The following KCNH7 variants were observed in gnomAD, a reference collection of about 807,000 sequenced individuals.
The protein encoded by KCNH7 is voltage-gated inwardly rectifying potassium channel KCNH7.
A neutral mutation model predicts 120.8 loss-of-function variants in KCNH7; 49 were observed. That is an observed-to-expected ratio of 0.41 (90% CI 0.32 to 0.51). The LOEUF is 0.51. KCNH7 is among the 20% of genes least tolerant of loss of function. The pLI, the probability that KCNH7 is intolerant of heterozygous loss-of-function variation, is 0.38. For synonymous variants in KCNH7, 547 were observed against 516.1 expected (o/e 1.06, Z -0.81); for missense variants, 1,097 against 1,446.6 (o/e 0.76, Z 3.92).
intron 2 of KCNH7, among the ~76,000 whole-genome samples, chr2:162,701,434 AT>A (rs1376874172): frequency 7.2e-5 from 11 of 152,134 alleles, no homozygotes; most frequent in Non-Finnish European, 1.5e-4. Flanking sequence ...ACTGTCAAAA[AT>A]TTATCTCAGT....
chr2:162,434,886 T>C (rs975841236), intron 8 of KCNH7, among the ~76,000 whole-genome samples: 3 of 152,056 alleles, frequency 2.0e-5, no homozygotes, highest in African/African-American at 7.2e-5. Flanking sequence ...CAGCTTGAAA[T>C]AGAAAATAAC....
At chr2:162,698,433 ATT>A (rs34577338) in intron 2 of KCNH7, among the ~76,000 whole-genome samples, 12,976 of 139,290 alleles carry the variant, frequency 0.093, 1,722 homozygotes, top group African/African-American at 0.29. Flanking sequence ...CGCCGTCTTT[ATT>A]TTTTTTTTTT....
At chr2:162,706,064 C>A (rs1011786354) in intron 2 of KCNH7, among the ~76,000 whole-genome samples, 2 of 152,100 alleles carry the variant, frequency 1.3e-5, no homozygotes, top group Non-Finnish European at 2.9e-5. Flanking sequence ...TTTCAAGTCA[C>A]AGCAGAGTGC....
At chr2:162,521,170 G>A (rs568516118) in intron 3 of KCNH7, among the ~76,000 whole-genome samples, 3 of 151,820 alleles carry the variant, frequency 2.0e-5, no homozygotes, top group Admixed American at 6.6e-5. Context: ...CTGGCCCATA[G>A]GCCTCAGAAG....
At chr2:162,505,664 C>A (rs188753013) in intron 5 of KCNH7, among the ~76,000 whole-genome samples, 11 of 151,944 alleles carry the variant, frequency 7.2e-5, no homozygotes, top group African/African-American at 1.9e-4. Context: ...TGTTATTTAG[C>A]TCTTAAAAAT....
At chr2:162,584,444 G>T (rs1228577546) in intron 2 of KCNH7, among the ~76,000 whole-genome samples, 1 of 152,046 alleles carries the variant, frequency 6.6e-6, no homozygotes, top group African/African-American at 2.4e-5. Flanking sequence ...CTCAAATTGG[G>T]ATAATATCTC....
At chr2:162,466,140 C>T (rs1381247215) in intron 6 of KCNH7, among the ~76,000 whole-genome samples, 1 of 152,110 alleles carries the variant, frequency 6.6e-6, no homozygotes, top group African/African-American at 2.4e-5. Context: ...TGCTGGTATG[C>T]TATGCTAGCT....
At chr2:162,694,363 G>A (rs866472151) in intron 2 of KCNH7, among the ~76,000 whole-genome samples, 2 of 152,068 alleles carry the variant, frequency 1.3e-5, no homozygotes, top group Non-Finnish European at 2.9e-5. Flanking sequence ...TACCCTAACA[G>A]CTCAGCTTTA....
intron 2 of KCNH7, among the ~76,000 whole-genome samples, chr2:162,823,897 T>A (rs1230803357): frequency 6.6e-6 from 1 of 152,162 alleles, no homozygotes; most frequent in Non-Finnish European, 1.5e-5. Context: ...ATGTTACCAG[T>A]TATTTTTTAA....
intron 2 of KCNH7, among the ~76,000 whole-genome samples, chr2:162,593,943 G>C (rs1445532113): frequency 6.6e-6 from 1 of 151,940 alleles, no homozygotes; most frequent in East Asian, 1.9e-4. Context: ...TATCTTTCCT[G>C]TCTTGCAGTT....
chr2:162,397,620 C>G (rs1010140008), intron 10 of KCNH7, among the ~76,000 whole-genome samples: 2 of 151,772 alleles, frequency 1.3e-5, no homozygotes, highest in Non-Finnish European at 2.9e-5. Flanking sequence ...AGGACTTCCC[C>G]ATCACCTCTG....
At chr2:162,629,119 A>G (rs1301863400) in intron 2 of KCNH7, among the ~76,000 whole-genome samples, 3 of 152,104 alleles carry the variant, frequency 2.0e-5, no homozygotes, top group Non-Finnish European at 4.4e-5. Context: ...AGTCTCCCAC[A>G]CAGGCCAACG....
chr2:162,393,375 G>A (rs1686801004), intron 12 of KCNH7, among the ~76,000 whole-genome samples: 1 of 152,008 alleles, frequency 6.6e-6, no homozygotes, highest in South Asian at 2.1e-4. Flanking sequence ...CCTATGTGAG[G>A]ATATACTTAA....
chr2:162,569,220 C>A (rs1192965185), intron 2 of KCNH7, among the ~76,000 whole-genome samples: 2 of 151,848 alleles, frequency 1.3e-5, no homozygotes, highest in African/African-American at 4.8e-5. Flanking sequence ...TGTTATTGGT[C>A]TATTCAGAGA....
intron 2 of KCNH7, among the ~76,000 whole-genome samples, chr2:162,628,004 T>C (rs1156332572): frequency 1.3e-5 from 2 of 152,182 alleles, no homozygotes; most frequent in Admixed American, 6.6e-5. Flanking sequence ...TGACGAATTA[T>C]AGTTTTTACA....
intron 2 of KCNH7, among the ~76,000 whole-genome samples, chr2:162,591,309 C>T (rs905350334): frequency 2.0e-5 from 3 of 151,970 alleles, no homozygotes; most frequent in African/African-American, 7.3e-5. Flanking sequence ...CACAGACTCT[C>T]CTTCACATTT....
chr2:162,403,286 C>A (rs1016909519), intron 9 of KCNH7, among the ~76,000 whole-genome samples: 1 of 151,900 alleles, frequency 6.6e-6, no homozygotes, highest in Non-Finnish European at 1.5e-5. Context: ...ATTGCCTCAG[C>A]AGAGTTTAAA....
intron 2 of KCNH7, among the ~76,000 whole-genome samples, chr2:162,625,623 T>A (rs1683526112): frequency 6.6e-6 from 1 of 152,114 alleles, no homozygotes; most frequent in African/African-American, 2.4e-5. Context: ...AAGAAAAATA[T>A]CAATATAAGA....
intron 2 of KCNH7, among the ~76,000 whole-genome samples, chr2:162,803,578 T>G (rs1311633525): frequency 6.6e-6 from 1 of 151,738 alleles, no homozygotes; most frequent in South Asian, 2.1e-4. Flanking sequence ...TATCATGAGA[T>G]AATATAGAAC....
Sources: gnomAD v4.1 joint callset for allele counts (sites outside exome capture counted in the v4.1 genomes callset) on GRCh38, gnomAD v4.1.1 for gene constraint, MANE v1.5 for transcripts, NCBI Gene and HGNC (gene_info 2026-07-23, HGNC 2026-07-21) for gene names.